HIRA: variants seen among roughly 807,000 people sequenced by gnomAD.
The protein encoded by HIRA is histone cell cycle regulator.
Under a neutral mutation model 126.6 loss-of-function variants are expected in HIRA, and 13 were observed. The ratio of observed to expected loss-of-function variants is 0.10; its 90% CI spans 0.07 to 0.16. The LOEUF (loss-of-function observed/expected upper bound fraction) is 0.16. HIRA is among the 10% of genes least tolerant of loss of function. The pLI is 1.00. For synonymous variants in HIRA, 511 were observed against 520.0 expected (o/e 0.98, Z 0.24); for missense variants, 834 against 1,314.4 (o/e 0.63, Z 5.65).
chr22:19,388,732 C>G (rs1426196918), intron 9 of HIRA, among the ~76,000 whole-genome samples, 178 bp from the exon 10 acceptor site: 1 of 152,176 alleles, frequency 6.6e-6, no homozygotes, highest in Non-Finnish European at 1.5e-5. Context: ...CCAAAGCCTG[C>G]CAAAAATGTG....
intron 2 of HIRA, among the ~76,000 whole-genome samples, chr22:19,410,166 C>G (rs551292647): frequency 6.6e-6 from 1 of 152,338 alleles, no homozygotes; most frequent in Admixed American, 6.5e-5. Flanking sequence ...CAAATAGAAC[C>G]ATGCAACATT....
chr22:19,393,042 G>A (rs1393193770), intron 8 of HIRA, among the ~76,000 whole-genome samples: 1 of 152,148 alleles, frequency 6.6e-6, no homozygotes, highest in Non-Finnish European at 1.5e-5. Flanking sequence ...CACAGAGACT[G>A]GAGAAGATGG....
rs1556010763 is a variant in HIRA at position 19,351,155 on chromosome 22, GGCTCCTGATGTCCAGGGCCC to G, written c.2937+183_2937+202del. 1 of 985,252 alleles carries G rather than the reference GGCTCCTGATGTCCAGGGCCC, an allele frequency of 1.0e-6. No homozygotes were observed. Among genetic ancestry groups the G allele is most frequent in the Non-Finnish European group, 1.2e-6 (1 of 829,904 alleles). The allele number at this position is 985,252 out of a possible 1,614,324, so 61.0% of individuals were successfully genotyped here. Reference sequence around the variant, plus strand: ...ACAGGCACGTGGCGGAGCACTCCGTGGCTCCTGATGTCCAGGGCCCAGCTCCTGCCAGGTTGTGGAGGGCC... The same window carrying G: ...ACAGGCACGTGGCGGAGCACTCCGTGAGCTCCTGCCAGGTTGTGGAGGGCC... On this transcript the variant is annotated intron_variant, in intron 24 of 24. Coordinates refer to ENST00000263208, the MANE Select transcript of HIRA (RefSeq NM_003325.4). This position sits in a 1 kb window ranked among gnomAD's most constrained non-coding sequence, Gnocchi z 4.8.
At chr22:19,396,752 G>A (rs2089227556) in intron 7 of HIRA, 35 bp downstream of exon 7, 2 of 1,607,626 alleles carry the variant, frequency 1.2e-6, no homozygotes, top group Non-Finnish European at 1.7e-6. Flanking sequence ...TGGGGCAGCT[G>A]CGGGGGCTCA....
intron 14 of HIRA, among the ~76,000 whole-genome samples, chr22:19,376,550 A>G (rs1601828577): frequency 1.3e-5 from 2 of 152,304 alleles, no homozygotes; most frequent in East Asian, 3.9e-4. Context: ...TGTGGCCACT[A>G]GAATGGGCCA....
chr22:19,406,531 ATAAC>A (rs1407706744), intron 4 of HIRA, among the ~76,000 whole-genome samples: 2 of 152,308 alleles, frequency 1.3e-5, no homozygotes, highest in African/African-American at 4.8e-5. Flanking sequence ...AGAGCCTCTG[ATAAC>A]ACCTTTTGCT....
chr22:19,356,380 T>G, intron 19 of HIRA, 92 bp from the exon 20 acceptor site: 1 of 1,101,090 alleles, frequency 9.1e-7, no homozygotes, highest in Non-Finnish European at 1.4e-6. Flanking sequence ...CCCTACTGCA[T>G]GCGACCCTAA....
intron 24 of HIRA, among the ~76,000 whole-genome samples, chr22:19,350,751 C>A (rs1224266331): frequency 6.6e-6 from 1 of 152,146 alleles, no homozygotes; most frequent in Non-Finnish European, 1.5e-5. Context: ...TCATTTCACA[C>A]CACCCTCTCC....
At chr22:19,411,507 G>A (rs183122132) in intron 1 of HIRA, among the ~76,000 whole-genome samples, 1 of 152,292 alleles carries the variant, frequency 6.6e-6, no homozygotes, top group East Asian at 1.9e-4. Flanking sequence ...AGGCACTCAC[G>A]CCTGGTGGGC....
At chr22:19,424,831 TA>T (rs2089476721) in intron 1 of HIRA, among the ~76,000 whole-genome samples, 2 of 152,166 alleles carry the variant, frequency 1.3e-5, no homozygotes, top group Admixed American at 1.3e-4. Context: ...TTCTATCGTA[TA>T]TAACAAGTCC....
At position 19,399,395 on chromosome 22, in the gene HIRA, C is replaced by T. The variant is rs1441270876; in HGVS notation, c.398-1308G>A. Among the ~76,000 whole-genome samples the T allele has an allele frequency of 1.3e-5, 2 of 148,346 alleles. 1 individual carries two copies. Among genetic ancestry groups the T allele is most frequent in the East Asian group, 3.9e-4 (2 of 5,098 alleles). On this transcript the variant is annotated intron_variant, in intron 5 of 24. Transcript: ENST00000263208. ...AAATTGTCTCACATGCTGTGGTTCA[C>T]ATTTTGTATTCTAAATGCCTATGTG...
chr22:19,387,832 A>C lies in HIRA; in HGVS notation c.1008-16T>G. ...ATTCAGAGTCCTGAAAGACATGGCC[A>C]TCAGCAGCCTGGTAGCAAGAGCCCC... On this transcript the variant is annotated splice_polypyrimidine_tract_variant and intron_variant, in intron 10 of 24. Transcript: ENST00000263208. 1 of 1,592,470 alleles carries C rather than the reference A, an allele frequency of 6.3e-7. No individual in the cohort carries two copies. Among genetic ancestry groups the C allele is most frequent in the Non-Finnish European group, 8.6e-7 (1 of 1,165,090 alleles).
chr22:19,355,574 C>T (rs934667564), intron 21 of HIRA, among the ~76,000 whole-genome samples, 186 bp downstream of exon 21: 5 of 152,188 alleles, frequency 3.3e-5, no homozygotes, highest in African/African-American at 1.2e-4. Context: ...AGGGCAGAGG[C>T]CATAGGCTGC....
chr22:19,343,753 C>A (rs1313892766), intron 24 of HIRA, among the ~76,000 whole-genome samples: 2 of 151,692 alleles, frequency 1.3e-5, no homozygotes, highest in Admixed American at 1.3e-4. Flanking sequence ...TGGAGAAAAC[C>A]CCATCTCTAC....
intron 18 of HIRA, among the ~76,000 whole-genome samples, chr22:19,358,679 G>C (rs1266099060): frequency 1.3e-5 from 2 of 152,190 alleles, no homozygotes; most frequent in Non-Finnish European, 2.9e-5. Flanking sequence ...ACAAGTAAAA[G>C]CATTTACATG....
At chr22:19,346,035 T>C (rs1299692010) in intron 24 of HIRA, among the ~76,000 whole-genome samples, 3 of 152,210 alleles carry the variant, frequency 2.0e-5, no homozygotes, top group Admixed American at 1.3e-4. Flanking sequence ...AGTATTTCAA[T>C]AGATAGTTCA....
At chr22:19,392,595 G>A (rs1426153253) in intron 8 of HIRA, among the ~76,000 whole-genome samples, 1 of 152,228 alleles carries the variant, frequency 6.6e-6, no homozygotes, top group African/African-American at 2.4e-5. Context: ...CTGCAAGGGG[G>A]CTTCAGAAAC....
chr22:19,385,558 C>T lies in HIRA; in HGVS notation c.1292G>A (p.Gly431Asp), dbSNP rs763343044. The change falls in exon 12 of 25, where the codon GGC (glycine) becomes GAC (aspartate). Residue 431 changes from glycine to aspartate, a missense_variant. By Grantham distance (94) the Gly-to-Asp change is moderately conservative (BLOSUM62 -1). This residue lies in a region of HIRA where 153 missense variants were observed against 270.6 expected (regional missense o/e 0.57). Coordinates refer to ENST00000263208, the MANE Select transcript of HIRA (RefSeq NM_003325.4). ...TTCAAGACTCTCCCCGTTGACAACG[C>T]CTGCGACTGAGGTGGCTGAGCCCAT... ...REMGSATSVA[G>D]VVNGESLEDI... 8.7e-6 allele frequency: 14 copies of T among 1,614,044 alleles called. No individual in the cohort carries two copies. Among genetic ancestry groups the T allele is most frequent in the African/African-American group, 2.7e-5 (2 of 74,954 alleles).
intron 13 of HIRA, 94 bp downstream of exon 13, chr22:19,383,526 A>ACCCGTGAAGATCCTCACTGTGAAAGT: frequency 1.0e-6 from 1 of 991,908 alleles, no homozygotes; most frequent in Non-Finnish European, 1.6e-6. Flanking sequence ...GTTGTGAAGG[A>ACCCGTGAAGATCCTCACTGTGAAAGT]CCCGTGAAGA....
Sources: allele counts gnomAD v4.1 joint callset (sites outside exome capture counted in the v4.1 genomes callset), GRCh38; gene constraint gnomAD v4.1.1; regional missense constraint gnomAD v4.1.1; non-coding constraint Gnocchi (gnomAD v3.1); transcripts MANE v1.5; gene names NCBI Gene and HGNC (gene_info 2026-07-23, HGNC 2026-07-21).